The following HLCS variants were observed in gnomAD, a reference collection of about 807,000 sequenced individuals.
HLCS encodes the protein biotin--protein ligase.
HLCS carries 53 observed loss-of-function variants against 75.0 expected under a neutral mutation model. The ratio of observed to expected loss-of-function variants is 0.71; its 90% CI spans 0.57 to 0.89. The LOEUF is 0.89. HLCS is among the 40% of genes least tolerant of loss of function. HLCS has a pLI of 0.00. For synonymous variants in HLCS, 431 were observed against 428.6 expected, an observed-to-expected ratio of 1.01 and a Z score of -0.07; for missense variants, 966 against 1,074.0, an observed-to-expected ratio of 0.90 and a Z score of 1.41.
chr21:36,795,497 C>T (rs1288211286), intron 6 of HLCS, among the ~76,000 whole-genome samples: 1 of 152,234 alleles, frequency 6.6e-6, no homozygotes, highest in East Asian at 1.9e-4. Flanking sequence ...AGTTGCTATG[C>T]TCCATACTCT....
At chr21:36,966,968 G>C (rs911998971), upstream of HLCS, among the ~76,000 whole-genome samples, 5 of 151,592 alleles carry the variant, frequency 3.3e-5, no homozygotes, top group South Asian at 2.1e-4. Context: ...GAGGGGGCTC[G>C]AGGGAGTGGA....
At chr21:36,903,747 C>T (rs1459480121) in intron 5 of HLCS, among the ~76,000 whole-genome samples, 1 of 152,060 alleles carries the variant, frequency 6.6e-6, no homozygotes, top group Non-Finnish European at 1.5e-5. Context: ...AAACACAGTA[C>T]CATGGTAGAA....
chr21:36,828,711 T>TA (rs898602421), intron 6 of HLCS, among the ~76,000 whole-genome samples: 1 of 152,136 alleles, frequency 6.6e-6, no homozygotes, highest in Non-Finnish European at 1.5e-5. Context: ...TTGTGATCAA[T>TA]AAAAAAACAA....
intron 6 of HLCS, among the ~76,000 whole-genome samples, chr21:36,850,517 T>G (rs11701858): frequency 0.12 from 17,963 of 152,212 alleles, 1,204 homozygotes; most frequent in Non-Finnish European, 0.14. Context: ...AGGGTTGTCT[T>G]GGGAAGCCCC....
intron 1 of HLCS, among the ~76,000 whole-genome samples, chr21:36,983,327 C>T (rs2146744342): frequency 6.6e-6 from 1 of 151,974 alleles, no homozygotes; most frequent in African/African-American, 2.4e-5. Context: ...TCTCCTGCCT[C>T]AGCCTCCGAA....
At chr21:36,916,912 A>G (rs1258438890) in intron 5 of HLCS, among the ~76,000 whole-genome samples, 2 of 152,176 alleles carry the variant, frequency 1.3e-5, no homozygotes, top group Non-Finnish European at 2.9e-5. Context: ...CACTCTTAGA[A>G]ACAACCCACA....
chr21:36,957,661 C>T (rs915778270), intron 2 of HLCS, among the ~76,000 whole-genome samples: 3 of 152,120 alleles, frequency 2.0e-5, no homozygotes, highest in East Asian at 1.9e-4. Flanking sequence ...ATTGGCTGGG[C>T]GCAGTGGCTC....
intron 6 of HLCS, among the ~76,000 whole-genome samples, chr21:36,872,891 T>C (rs1421455520): frequency 6.6e-6 from 1 of 152,160 alleles, no homozygotes; most frequent in Non-Finnish European, 1.5e-5. Context: ...TATTTAAAAA[T>C]TGCTCCACTA....
At position 36,895,042 on chromosome 21, in the gene HLCS, G is replaced by A. The variant is rs574176064; in HGVS notation, c.1892+1818C>T. On this transcript the variant is annotated intron_variant, in intron 6 of 10. Coordinates refer to ENST00000674895, the MANE Select transcript of HLCS (RefSeq NM_001352514.2). Reference sequence around the variant, plus strand: ...GGGCGTGTGCTGCCCTCTTGGTGACGCGCTGCCCTCTTGGTGACGCGCTGC... The same window carrying A: ...GGGCGTGTGCTGCCCTCTTGGTGACACGCTGCCCTCTTGGTGACGCGCTGC... Among the ~76,000 whole-genome samples, 9 of 148,618 alleles carry A rather than the reference G, an allele frequency of 6.1e-5. No homozygotes were observed. In the South Asian group the frequency reaches 1.5e-3, roughly 25 times the overall value.
At chr21:36,791,319 C>A (rs184950505) in intron 6 of HLCS, among the ~76,000 whole-genome samples, 3 of 152,198 alleles carry the variant, frequency 2.0e-5, no homozygotes, top group Non-Finnish European at 4.4e-5. Context: ...CTCTGGGCAG[C>A]GGTGACTGTT....
chr21:36,836,081 C>T (rs951662196), intron 6 of HLCS, among the ~76,000 whole-genome samples: 17 of 152,152 alleles, frequency 1.1e-4, no homozygotes, highest in East Asian at 5.8e-4. Flanking sequence ...ATTCTTATTA[C>T]GGTTTGCTTG....
At chr21:36,955,362 G>GT (rs1222879914) in intron 2 of HLCS, among the ~76,000 whole-genome samples, 1 of 152,178 alleles carries the variant, frequency 6.6e-6, no homozygotes, top group Non-Finnish European at 1.5e-5. Context: ...GAGGGCTGAG[G>GT]TGAGAGGACT....
intron 2 of HLCS, among the ~76,000 whole-genome samples, chr21:36,956,780 G>A (rs1338084574): frequency 7.2e-5 from 11 of 151,974 alleles, no homozygotes; most frequent in South Asian, 2.1e-4. Flanking sequence ...GAGCCAGAAT[G>A]GTGGCTCATG....
chr21:36,987,127 G>C (rs1029104154), intron 1 of HLCS, among the ~76,000 whole-genome samples: 1 of 152,186 alleles, frequency 6.6e-6, no homozygotes, highest in Non-Finnish European at 1.5e-5. Flanking sequence ...TTTTGAACAA[G>C]CCGCTCCTGA....
intron 6 of HLCS, among the ~76,000 whole-genome samples, chr21:36,781,196 G>T (rs769489085): frequency 2.5e-4 from 37 of 149,978 alleles, no homozygotes; most frequent in Non-Finnish European, 4.7e-4. Context: ...GGCGGAGGTT[G>T]CAGTGAGCTG....
At chr21:36,942,937 A>G (rs931480887) in intron 2 of HLCS, among the ~76,000 whole-genome samples, 6 of 152,226 alleles carry the variant, frequency 3.9e-5, no homozygotes, top group Non-Finnish European at 7.4e-5. Context: ...CTTAAAAAAA[A>G]AAAGAAAGAA....
At chr21:36,963,996 C>A (rs1029264112) in intron 1 of HLCS, among the ~76,000 whole-genome samples, 5 of 152,066 alleles carry the variant, frequency 3.3e-5, no homozygotes, top group Non-Finnish European at 7.4e-5. Context: ...CCAAGGTGGG[C>A]GGATCACCTG....
At chr21:36,800,960 C>T (rs2061180569) in intron 6 of HLCS, among the ~76,000 whole-genome samples, 1 of 152,092 alleles carries the variant, frequency 6.6e-6, no homozygotes, top group South Asian at 2.1e-4. Flanking sequence ...GATGACAAGT[C>T]TGAAGTGGCT....
intron 6 of HLCS, among the ~76,000 whole-genome samples, chr21:36,878,320 A>G (rs9305606): frequency 1 from 152,294 of 152,294 alleles, 76,147 homozygotes; most frequent in Non-Finnish European, 1. Context: ...GAGAACATGA[A>G]GATGATAAAA....
Sources: gnomAD v4.1 joint callset for allele counts (sites outside exome capture counted in the v4.1 genomes callset) on GRCh38, gnomAD v4.1.1 for gene constraint, MANE v1.5 for transcripts, NCBI Gene and HGNC (gene_info 2026-07-23, HGNC 2026-07-21) for gene names.